FER: variants seen among roughly 807,000 people sequenced by gnomAD.
FER encodes FER tyrosine kinase.
In FER, 63 loss-of-function variants were observed where a neutral mutation model predicts 111.0. That is an observed-to-expected ratio of 0.57 (90% CI 0.46 to 0.70). The LOEUF (loss-of-function observed/expected upper bound fraction) is 0.70, where lower values mean the gene tolerates loss of function less well. FER is among the 30% of genes least tolerant of loss of function. FER has a pLI of 0.00. For synonymous variants in FER, 327 were observed against 313.9 expected, an observed-to-expected ratio of 1.04 and a Z score of -0.44; for missense variants, 914 against 954.0, an observed-to-expected ratio of 0.96 and a Z score of 0.55.
At chr5:108,984,092 T>A (rs1305657155) in intron 13 of FER, among the ~76,000 whole-genome samples, 1 of 152,144 alleles carries the variant, frequency 6.6e-6, no homozygotes. Context: ...TTCAAAAATA[T>A]TATTTTAGGT....
chr5:109,106,771 G>T (rs948577449), intron 17 of FER, among the ~76,000 whole-genome samples: 5 of 151,998 alleles, frequency 3.3e-5, no homozygotes, highest in African/African-American at 1.2e-4. Flanking sequence ...TTTAATTAAG[G>T]ACTTTTCCCT....
At chr5:109,023,473 T>G (rs1005558032) in intron 13 of FER, among the ~76,000 whole-genome samples, 4 of 152,072 alleles carry the variant, frequency 2.6e-5, no homozygotes, top group Non-Finnish European at 5.9e-5. Context: ...TCCTTTTGTT[T>G]TGTGAACATA....
chr5:109,036,205 C>G (rs1235041270), intron 13 of FER, among the ~76,000 whole-genome samples: 1 of 152,006 alleles, frequency 6.6e-6, no homozygotes, highest in African/African-American at 2.4e-5. Flanking sequence ...TTGTGCTTCT[C>G]TAAGAAACCT....
At chr5:109,141,395 C>T (rs562683875) in intron 17 of FER, among the ~76,000 whole-genome samples, 1 of 152,294 alleles carries the variant, frequency 6.6e-6, no homozygotes, top group African/African-American at 2.4e-5. Flanking sequence ...GTTCACTAAA[C>T]TGAAAAGCCA....
At position 108,954,795 on chromosome 5, in the gene FER, C is replaced by T. The variant is rs760410775; in HGVS notation, c.1396C>T (p.Pro466Ser). 6.2e-7 allele frequency: 1 copy of T among 1,611,374 alleles called. No individual in the cohort carries two copies. The highest frequency in any genetic ancestry group is 1.1e-5 in the South Asian group (1 of 90,962). The change falls in exon 12 of 20, where the codon CCC becomes TCC. Residue 466 changes from proline to serine, a missense_variant. Transcript: ENST00000281092. ...AEQDWYHGAI[P>S]RIEAQELLKK... ...ACAGGACTGGTACCATGGTGCAATTCCCAGAATAGAAGCTCAAGAACTGTT... is the reference window on the plus strand; with the variant it reads ...ACAGGACTGGTACCATGGTGCAATTTCCAGAATAGAAGCTCAAGAACTGTT...
Position 109,188,707 on chromosome 5 carries a change from A to C in FER, c.*1132A>C, listed in dbSNP as rs1479503524. ...CCAGAAAGGTCCTAAGAAAAGTTTC[A>C]GGAGTTCGTAGAGTCCTCGTAATGG... On this transcript the variant is annotated 3_prime_UTR_variant, in exon 20 of 20. Transcript: ENST00000281092. 6.6e-6 allele frequency: 1 copy of C among 152,212 alleles called. No homozygotes were observed. The highest frequency in any genetic ancestry group is 1.5e-5 in the Non-Finnish European group (1 of 68,020). 9.4% of individuals were successfully genotyped at this position (152,212 alleles called of 1,614,324 possible). A position where few individuals can be genotyped will look rare whatever the true frequency, so the allele number is the denominator to read the frequency against.
At chr5:108,943,048 G>GT (rs964525260) in intron 10 of FER, among the ~76,000 whole-genome samples, 5 of 152,082 alleles carry the variant, frequency 3.3e-5, no homozygotes, top group African/African-American at 1.2e-4. Context: ...ATAATATTCA[G>GT]TTTTTGTTTT....
intron 17 of FER, among the ~76,000 whole-genome samples, chr5:109,171,065 T>A (rs1280133216): frequency 6.6e-6 from 1 of 152,358 alleles, no homozygotes; most frequent in South Asian, 2.1e-4. Flanking sequence ...TCTATCTATG[T>A]GCACTATTCT....
intron 17 of FER, among the ~76,000 whole-genome samples, chr5:109,163,635 C>T (rs1452973839): frequency 6.6e-6 from 1 of 152,056 alleles, no homozygotes; most frequent in Non-Finnish European, 1.5e-5. Context: ...AAATTAGAGA[C>T]AGGATCCCAC....
chr5:109,053,080 C>T (rs997454072), intron 16 of FER, among the ~76,000 whole-genome samples: 4 of 152,038 alleles, frequency 2.6e-5, no homozygotes, highest in Non-Finnish European at 5.9e-5. Context: ...ATTAATGTCA[C>T]AAGTCTCAGA....
At chr5:108,846,271 TA>T (rs1343589818) in intron 5 of FER, among the ~76,000 whole-genome samples, 1 of 152,138 alleles carries the variant, frequency 6.6e-6, no homozygotes, top group Non-Finnish European at 1.5e-5. Flanking sequence ...TCACTTTCTG[TA>T]ATCAATATAG....
At chr5:108,789,029 C>T (rs74764135) in intron 2 of FER, among the ~76,000 whole-genome samples, 13,110 of 151,828 alleles carry the variant, frequency 0.086, 731 homozygotes, top group African/African-American at 0.15. Context: ...TTATTAGCTC[C>T]CAAATCAAAA....
chr5:109,011,965 ACCTGGAGTATTG>A (rs2149805193), intron 13 of FER, among the ~76,000 whole-genome samples: 1 of 152,256 alleles, frequency 6.6e-6, no homozygotes, highest in South Asian at 2.1e-4. Context: ...TGTTTTCTTT[ACCTGGAGTATTG>A]CCTTCTTGTG....
intron 17 of FER, among the ~76,000 whole-genome samples, chr5:109,170,337 A>T (rs1398140932): frequency 1.3e-5 from 2 of 152,204 alleles, no homozygotes; most frequent in Non-Finnish European, 2.9e-5. Context: ...AATGGCAGAA[A>T]TCTATCTACT....
At chr5:108,811,894 A>G (rs1247439294) in intron 3 of FER, among the ~76,000 whole-genome samples, 1 of 152,202 alleles carries the variant, frequency 6.6e-6, no homozygotes, top group Non-Finnish European at 1.5e-5. Context: ...TAGGCTGTCA[A>G]TAGATTCGAT....
chr5:108,750,489 G>A (rs1750356594), intron 1 of FER, among the ~76,000 whole-genome samples: 1 of 152,142 alleles, frequency 6.6e-6, no homozygotes, highest in Non-Finnish European at 1.5e-5. Flanking sequence ...AGAGTACATA[G>A]GCATACTTCT....
intron 16 of FER, among the ~76,000 whole-genome samples, chr5:109,070,794 C>T (rs191661178): frequency 1.3e-5 from 2 of 151,958 alleles, no homozygotes; most frequent in Middle Eastern, 3.4e-3. Context: ...TAACATAATT[C>T]AGAAACATTT....
chr5:108,868,349 A>C (rs1487916149), intron 6 of FER, among the ~76,000 whole-genome samples: 1 of 152,004 alleles, frequency 6.6e-6, no homozygotes, highest in Non-Finnish European at 1.5e-5. Context: ...TTTCTGTATA[A>C]GATTAAAATC....
At chr5:109,051,783 A>G (rs1434117776) in intron 16 of FER, 1 of 1,588,848 alleles carries the variant, frequency 6.3e-7, no homozygotes, top group East Asian at 2.2e-5. Context: ...AGAAGAGTTC[A>G]ATGATATTCA....
Sources: allele counts gnomAD v4.1 joint callset (sites outside exome capture counted in the v4.1 genomes callset), GRCh38; gene constraint gnomAD v4.1.1; transcripts MANE v1.5; gene names NCBI Gene and HGNC (gene_info 2026-07-23, HGNC 2026-07-21).